The following NCOA7 variants were observed in gnomAD, a reference collection of about 807,000 sequenced individuals.
NCOA7 encodes 140 kDa estrogen receptor-associated protein.
A neutral mutation model predicts 104.3 loss-of-function variants in NCOA7; 45 were observed. The ratio of observed to expected loss-of-function variants is 0.43; its 90% CI spans 0.34 to 0.55. The LOEUF (loss-of-function observed/expected upper bound fraction) is 0.55. Ranked by LOEUF, NCOA7 falls within the 20% of genes least tolerant of loss-of-function variation. NCOA7 has a pLI of 0.02. For missense variants in NCOA7, 1,041 were observed against 1,119.7 expected (o/e 0.93, Z 1.00); for synonymous variants, 398 against 402.3 (o/e 0.99, Z 0.13).
At chr6:125,805,084 G>C (rs1214576844) in intron 1 of NCOA7, among the ~76,000 whole-genome samples, 1 of 66,624 alleles carries the variant, frequency 1.5e-5, no homozygotes, top group Non-Finnish European at 3.1e-5. Context: ...TCACCCTCTT[G>C]TTCTTTTTTT....
At chr6:125,876,026 A>G (rs180709556) in intron 4 of NCOA7, among the ~76,000 whole-genome samples, 164 of 152,326 alleles carry the variant, frequency 1.1e-3, no homozygotes, top group African/African-American at 3.8e-3. Flanking sequence ...TTAATTCACT[A>G]TTAAGTAGCA....
intron 13 of NCOA7, among the ~76,000 whole-genome samples, chr6:125,927,008 A>G (rs1219142619): frequency 6.6e-6 from 1 of 152,218 alleles, no homozygotes; most frequent in African/African-American, 2.4e-5. Context: ...TACAAGAACC[A>G]TTGATTTAAA....
upstream of NCOA7, chr6:125,790,882 C>A (rs1774771948): frequency 6.6e-6 from 1 of 152,652 alleles, no homozygotes; most frequent in South Asian, 2.1e-4. Flanking sequence ...CCCGCGGGCG[C>A]GCGCCTCGGA....
At chr6:125,905,253 ATT>A (rs375646356) in intron 10 of NCOA7, among the ~76,000 whole-genome samples, 32 of 131,536 alleles carry the variant, frequency 2.4e-4, no homozygotes, top group African/African-American at 1.7e-4. Context: ...AAGGAATAAG[ATT>A]TTTTTTTTTT....
chr6:125,828,868 T>C (rs1030520678), intron 2 of NCOA7, among the ~76,000 whole-genome samples: 1 of 152,168 alleles, frequency 6.6e-6, no homozygotes, highest in African/African-American at 2.4e-5. Context: ...AGTTTTCTCA[T>C]TTTTATAGGC....
chr6:125,835,349 G>A (rs573041191), intron 2 of NCOA7, among the ~76,000 whole-genome samples: 6 of 151,326 alleles, frequency 4.0e-5, no homozygotes, highest in Non-Finnish European at 8.8e-5. Context: ...CCCCTTTCTA[G>A]GTCAAGTAAC....
At chr6:125,898,742 G>A (rs759435937) in intron 10 of NCOA7, among the ~76,000 whole-genome samples, 1 of 152,134 alleles carries the variant, frequency 6.6e-6, no homozygotes, top group Non-Finnish European at 1.5e-5. Context: ...TTACAGGTAT[G>A]AGCCATTGTG....
intron 2 of NCOA7, among the ~76,000 whole-genome samples, chr6:125,852,668 C>T (rs891942141): frequency 3.3e-5 from 5 of 152,144 alleles, no homozygotes; most frequent in Non-Finnish European, 7.4e-5. Flanking sequence ...ATAGAGTTTC[C>T]TTTCCCCAGT....
rs561292489 is a variant in NCOA7 at position 125,865,488 on chromosome 6, C to T, written c.272-9401C>T. 3.8e-4 allele frequency among the ~76,000 whole-genome samples: 51 copies of T among 134,866 alleles called. 10 individuals are homozygous for T. The highest frequency in any genetic ancestry group is 1.6e-3 in the African/African-American group (50 of 31,084). 88.5% of individuals were successfully genotyped at this position (134,866 alleles called of 152,430 possible). ...TATTGAGTATAGGGTTCATTCTTCC[C>T]TGACACATCTTTTTTTTTTTAATTT... On this transcript the variant is annotated intron_variant, in intron 3 of 15. Transcript: ENST00000392477.
At chr6:125,870,106 T>C (rs1458310140) in intron 3 of NCOA7, among the ~76,000 whole-genome samples, 1 of 152,222 alleles carries the variant, frequency 6.6e-6, no homozygotes, top group Non-Finnish European at 1.5e-5. Context: ...TTACTTCTTA[T>C]GTGGCCTGTT....
At chr6:125,854,892 C>T in intron 2 of NCOA7, 128 bp from the exon 3 acceptor site, 3 of 622,124 alleles carry the variant, frequency 4.8e-6, no homozygotes, top group South Asian at 4.2e-5. Flanking sequence ...TGTAATGAAC[C>T]ATATTATAAG....
At chr6:125,919,494 G>C in intron 11 of NCOA7, 1 of 1,502,804 alleles carries the variant, frequency 6.7e-7, no homozygotes, top group Non-Finnish European at 9.2e-7. Context: ...ATGTACCTCC[G>C]AGTTTCTTTT....
At chr6:125,811,985 G>A (rs539959467) in intron 1 of NCOA7, among the ~76,000 whole-genome samples, 381 of 152,278 alleles carry the variant, frequency 2.5e-3, no homozygotes, top group Non-Finnish European at 4.7e-3. Flanking sequence ...GATTTAAATT[G>A]CTGCCGCACC....
In NCOA7 at chr6:125,920,986, G is replaced by A. The variant is rs750157669; in HGVS notation, c.2288G>A (p.Ser763Asn). ...EEAKRRKSTCSYYEDEDEEVL... is the reference protein window; with the variant it reads ...EEAKRRKSTCNYYEDEDEEVL... ...GCAAAGCGCAGGAAGAGCACATGCA[G>A]CTACTATGAAGACGAGGACGAAGAG... Residue 763 changes from serine to asparagine, a missense_variant, in exon 12 of 16, where the codon AGC becomes AAC. Physicochemically the swap from Ser to Asn is conservative, Grantham distance 46. This residue lies in a region of NCOA7 where 914 missense variants were observed against 942.7 expected (regional missense o/e 0.97). Transcript: ENST00000392477. 1 of 1,613,886 alleles carries A rather than the reference G, an allele frequency of 6.2e-7. No individual in the cohort carries two copies. Among genetic ancestry groups the A allele is most frequent in the Admixed American group, 1.7e-5 (1 of 60,024 alleles).
rs1290240249 is a variant in NCOA7, at chr6:125,929,259, A to AAAAC, written c.*490_*491insACAA. ...ATGAGGTTTTTTTTTTTTTAAAAAA[A>AAAAC]AACTTTTATTTATTATTTGTAGTAT... On this transcript the variant is annotated 3_prime_UTR_variant, in exon 16 of 16. Transcript: ENST00000392477. 1.3e-5 allele frequency: 2 copies of AAAAC among 152,026 alleles called. No individual in the cohort carries two copies. The highest frequency in any genetic ancestry group is 4.8e-5 in the African/African-American group (2 of 41,270). The allele number at this position is 152,026 out of a possible 1,614,324, so 9.4% of individuals were successfully genotyped here. A position where few individuals can be genotyped will look rare whatever the true frequency, so the allele number is the denominator to read the frequency against.
chr6:125,789,200 CT>C (rs1658025623), upstream of NCOA7, among the ~76,000 whole-genome samples: 1 of 152,152 alleles, frequency 6.6e-6, no homozygotes, highest in Non-Finnish European at 1.5e-5. Context: ...TAATAGTTAT[CT>C]TTTGAAAATA....
chr6:125,824,918 C>A (rs141145375), intron 2 of NCOA7, among the ~76,000 whole-genome samples: 1,880 of 152,202 alleles, frequency 0.012, 12 homozygotes, highest in Non-Finnish European at 0.02. Flanking sequence ...GCCACCACAC[C>A]CAGCTAATTT....
intron 2 of NCOA7, among the ~76,000 whole-genome samples, chr6:125,849,912 G>T (rs1381371750): frequency 2.6e-5 from 4 of 152,088 alleles, no homozygotes; most frequent in Non-Finnish European, 4.4e-5. Flanking sequence ...TTAGTCCACA[G>T]TATAAAATCA....
intron 10 of NCOA7, among the ~76,000 whole-genome samples, chr6:125,905,297 C>T (rs374874939): frequency 1.8e-3 from 266 of 148,846 alleles, no homozygotes; most frequent in African/African-American, 6.3e-3. Flanking sequence ...ACTCTTGTCG[C>T]CCAGGCTGGA....
Sources: gnomAD v4.1 joint callset for allele counts (sites outside exome capture counted in the v4.1 genomes callset) on GRCh38, gnomAD v4.1.1 for gene constraint, gnomAD v4.1.1 regional missense constraint, MANE v1.5 for transcripts, NCBI Gene and HGNC (gene_info 2026-07-23, HGNC 2026-07-21) for gene names.